The following TPRG1 variants were observed in gnomAD, a reference collection of about 807,000 sequenced individuals.
The protein encoded by TPRG1 is tumor protein p63-regulated gene 1 protein.
TPRG1 carries 29 observed loss-of-function variants against 29.3 expected under a neutral mutation model. That is an observed-to-expected ratio of 0.99 (90% confidence interval 0.74 to 1.35). The LOEUF (loss-of-function observed/expected upper bound fraction) is 1.35. Among genes scored for constraint, TPRG1 ranks in the 40% most tolerant of loss-of-function variants. The pLI, the probability that TPRG1 is intolerant of heterozygous loss-of-function variation, is 0.00. For synonymous variants in TPRG1, 130 were observed against 116.8 expected (o/e 1.11, Z -0.73); for missense variants, 327 against 335.0 (o/e 0.98, Z 0.19).
At chr3:189,130,655 A>G (rs202186929) in intron 2 of TPRG1, among the ~76,000 whole-genome samples, 2 of 152,366 alleles carry the variant, frequency 1.3e-5, no homozygotes, top group East Asian at 3.9e-4. Context: ...GGGCTCTACT[A>G]TCAAGCAACC....
chr3:189,312,861 A>C (rs1341396690), intron 5 of TPRG1, among the ~76,000 whole-genome samples: 3 of 152,208 alleles, frequency 2.0e-5, no homozygotes, highest in Non-Finnish European at 4.4e-5. Flanking sequence ...CTGAACAGGA[A>C]ATTGATGTTC....
intron 2 of TPRG1, among the ~76,000 whole-genome samples, chr3:189,214,563 C>T (rs1480054065): frequency 6.6e-6 from 1 of 152,154 alleles, no homozygotes; most frequent in East Asian, 1.9e-4. Flanking sequence ...CAGTGGTTCT[C>T]TTAGTACAGT....
At chr3:189,097,904 CTG>C (rs1391770724), upstream of TPRG1, among the ~76,000 whole-genome samples, 1 of 152,182 alleles carries the variant, frequency 6.6e-6, no homozygotes, top group African/African-American at 2.4e-5. Flanking sequence ...TAATTGGTTT[CTG>C]TGTTTTCCCC....
At chr3:189,104,156 CA>C (rs111971591) in intron 1 of TPRG1, among the ~76,000 whole-genome samples, 2 of 152,142 alleles carry the variant, frequency 1.3e-5, no homozygotes, top group African/African-American at 4.8e-5. Flanking sequence ...AGATGCCCCC[CA>C]ACAGTAGCAC....
At chr3:189,308,620 T>C (rs1209988964) in intron 4 of TPRG1, among the ~76,000 whole-genome samples, 2 of 152,310 alleles carry the variant, frequency 1.3e-5, no homozygotes, top group African/African-American at 4.8e-5. Context: ...TATAGTCACA[T>C]TGACTGGTTA....
chr3:189,056,092 C>G (rs981108537), intron 4 of TPRG1, among the ~76,000 whole-genome samples: 1 of 128,906 alleles, frequency 7.8e-6, no homozygotes, highest in Non-Finnish European at 1.6e-5. Flanking sequence ...TTCCTTCCTT[C>G]CTTCCTTCCC....
chr3:189,065,919 A>G (rs936043035), intron 4 of TPRG1, among the ~76,000 whole-genome samples: 2 of 152,212 alleles, frequency 1.3e-5, no homozygotes, highest in Non-Finnish European at 1.5e-5. Context: ...GAATCTAAAG[A>G]AAAAGAATCC....
chr3:189,021,893 T>C (rs1395959483), intron 3 of TPRG1, among the ~76,000 whole-genome samples: 1 of 152,226 alleles, frequency 6.6e-6, no homozygotes, highest in Non-Finnish European at 1.5e-5. Context: ...TTTGGTCTTT[T>C]CACATAGTCC....
intron 5 of TPRG1, among the ~76,000 whole-genome samples, chr3:189,312,024 T>C (rs1196512040): frequency 6.6e-6 from 1 of 152,190 alleles, no homozygotes; most frequent in Non-Finnish European, 1.5e-5. Context: ...AATGCATTGT[T>C]CCATAATCTT....
intron 4 of TPRG1, among the ~76,000 whole-genome samples, chr3:189,261,364 C>G (rs1030738425): frequency 2.0e-5 from 3 of 151,644 alleles, no homozygotes; most frequent in African/African-American, 7.3e-5. Flanking sequence ...ATGTGTTTCC[C>G]TCTAATCACG....
At chr3:189,086,252 G>A (rs4458363) in intron 4 of TPRG1, among the ~76,000 whole-genome samples, 24,395 of 152,046 alleles carry the variant, frequency 0.16, 3,726 homozygotes, top group African/African-American at 0.4. Context: ...TAGTCCTTCC[G>A]CATTCCTCTG....
chr3:189,258,004 A>G (rs1336244286), intron 4 of TPRG1, among the ~76,000 whole-genome samples: 1 of 152,162 alleles, frequency 6.6e-6, no homozygotes, highest in African/African-American at 2.4e-5. Flanking sequence ...ACTTCTGTCA[A>G]TTAGTCAAAC....
chr3:189,050,456 CA>C (rs1160990257), intron 4 of TPRG1, among the ~76,000 whole-genome samples: 3 of 151,814 alleles, frequency 2.0e-5, no homozygotes, highest in East Asian at 3.9e-4. Flanking sequence ...AAATTACCAA[CA>C]AAAAAAATTC....
At chr3:189,037,117 G>A (rs557914474) in intron 4 of TPRG1, among the ~76,000 whole-genome samples, 1 of 149,540 alleles carries the variant, frequency 6.7e-6, no homozygotes, top group Admixed American at 6.6e-5. Context: ...TAATAGAAAA[G>A]GCCAAAGTGC....
At chr3:189,123,374 G>C (rs1722058929) in intron 1 of TPRG1, among the ~76,000 whole-genome samples, 1 of 152,134 alleles carries the variant, frequency 6.6e-6, no homozygotes, top group African/African-American at 2.4e-5. Flanking sequence ...TGATTCAGTG[G>C]GTAACATTTG....
intron 5 of TPRG1, among the ~76,000 whole-genome samples, chr3:189,316,513 A>G (rs968860830): frequency 6.6e-6 from 1 of 152,170 alleles, no homozygotes; most frequent in Non-Finnish European, 1.5e-5. Flanking sequence ...TACCCAGTGT[A>G]AACAGGAAGC....
intron 4 of TPRG1, among the ~76,000 whole-genome samples, chr3:189,270,052 CTTCTTCTTT>C (rs1170592434): frequency 1.1e-3 from 155 of 137,908 alleles, no homozygotes; most frequent in African/African-American, 4.0e-3. Flanking sequence ...TCTTCTTCTT[CTTCTTCTTT>C]TTTGTCTGTA....
intron 1 of TPRG1, among the ~76,000 whole-genome samples, chr3:189,206,346 CTTATT>C (rs577500530): frequency 1.2e-4 from 18 of 151,786 alleles, no homozygotes; most frequent in South Asian, 2.1e-4. Flanking sequence ...CTGATGGATA[CTTATT>C]TTATTTTATT....
intron 1 of TPRG1, among the ~76,000 whole-genome samples, chr3:189,177,702 T>C (rs1407233998): frequency 6.6e-6 from 1 of 151,828 alleles, no homozygotes; most frequent in East Asian, 1.9e-4. Flanking sequence ...AGGGGGGTGG[T>C]GAGAGTGGTC....
Sources: gnomAD v4.1 joint callset for allele counts (sites outside exome capture counted in the v4.1 genomes callset) on GRCh38, gnomAD v4.1.1 for gene constraint, MANE v1.5 for transcripts, NCBI Gene and HGNC (gene_info 2026-07-23, HGNC 2026-07-21) for gene names.